ADAMTSL1: variants seen among roughly 807,000 people sequenced by gnomAD.
ADAMTSL1 encodes ADAMTS-like protein 1.
ADAMTSL1 carries 126 observed loss-of-function variants against 201.8 expected under a neutral mutation model. That is an observed-to-expected ratio of 0.62 (90% confidence interval 0.54 to 0.72). ADAMTSL1 has a LOEUF of 0.72. Among genes scored for constraint, ADAMTSL1 ranks in the 30% least tolerant of loss-of-function variants. The pLI is 0.00. For synonymous variants in ADAMTSL1, 1,121 were observed against 903.4 expected (o/e 1.24, Z -4.32); for missense variants, 2,679 against 2,277.8 (o/e 1.18, Z -3.59).
At chr9:18,406,592 A>G (rs1408615830) in intron 2 of ADAMTSL1, among the ~76,000 whole-genome samples, 1 of 152,084 alleles carries the variant, frequency 6.6e-6, no homozygotes, top group Non-Finnish European at 1.5e-5. Flanking sequence ...TGAACTCTCA[A>G]AATTCTAGGA....
At chr9:17,929,803 A>C (rs1050492310) in intron 1 of ADAMTSL1, among the ~76,000 whole-genome samples, 1 of 152,080 alleles carries the variant, frequency 6.6e-6, no homozygotes, top group Admixed American at 6.6e-5. Flanking sequence ...TATTTCTCAC[A>C]ATGCCCATTT....
At chr9:18,492,490 C>T (rs1000099570) in intron 1 of ADAMTSL1, among the ~76,000 whole-genome samples, 6 of 152,096 alleles carry the variant, frequency 3.9e-5, no homozygotes, top group African/African-American at 1.4e-4. Flanking sequence ...GAAAGAAAGT[C>T]CCAGCAGAGA....
intron 2 of ADAMTSL1, among the ~76,000 whole-genome samples, chr9:18,203,098 A>G (rs973133066): frequency 2.6e-5 from 4 of 152,066 alleles, no homozygotes; most frequent in African/African-American, 9.7e-5. Flanking sequence ...TCAGACTTTG[A>G]TCCCAAAGCT....
chr9:18,770,915 T>C, intron 17 of ADAMTSL1, 134 bp downstream of exon 17: 3 of 990,378 alleles, frequency 3.0e-6, no homozygotes, highest in Non-Finnish European at 4.3e-6. Flanking sequence ...TTTGTAACCA[T>C]ATATACCGTA....
intron 2 of ADAMTSL1, among the ~76,000 whole-genome samples, chr9:18,513,368 G>C (rs1818155942): frequency 6.6e-6 from 1 of 152,100 alleles, no homozygotes; most frequent in African/African-American, 2.4e-5. Context: ...TACTTGATTA[G>C]TCTAGATACC....
chr9:18,229,292 G>A (rs1364941913), intron 2 of ADAMTSL1, among the ~76,000 whole-genome samples: 1 of 152,126 alleles, frequency 6.6e-6, no homozygotes, highest in Non-Finnish European at 1.5e-5. Flanking sequence ...ATCCAACTGT[G>A]TGAAGTAGTG....
At position 18,052,487 on chromosome 9, in the gene ADAMTSL1, G is replaced by A. The variant is rs556084587; in HGVS notation, c.88-111375G>A. 1.0e-3 allele frequency among the ~76,000 whole-genome samples: 156 copies of A among 152,246 alleles called. 2 individuals carry two copies. In the South Asian group the frequency reaches 0.02, roughly 19 times the overall value. ...ACCAGTGTGTGTGAAGCCGCTGAGA[G>A]TGGACGAATTTGCTGCTATTAAGAG... On this transcript the variant is annotated intron_variant, in intron 1 of 29. Transcript: ENST00000680146.
chr9:18,302,210 C>CT (rs1333507365), intron 2 of ADAMTSL1, among the ~76,000 whole-genome samples: 1 of 152,098 alleles, frequency 6.6e-6, no homozygotes, highest in Non-Finnish European at 1.5e-5. Context: ...GAAGAGGGAA[C>CT]TCCCCCTGCT....
intron 2 of ADAMTSL1, among the ~76,000 whole-genome samples, chr9:18,456,133 T>A (rs966467721): frequency 6.6e-6 from 1 of 152,190 alleles, no homozygotes; most frequent in African/African-American, 2.4e-5. Context: ...CTATACCTTT[T>A]CTCAGAGACC....
chr9:18,083,655 C>A lies in ADAMTSL1; in HGVS notation c.88-80207C>A, dbSNP rs76323799. On this transcript the variant is annotated intron_variant, in intron 1 of 29. Transcript: ENST00000680146. Reference sequence around the variant, plus strand: ...AATTCCAATTCTAAACACAGTGCAACTGGGGCTCTTTATGAGGAACAATTT... The same window carrying A: ...AATTCCAATTCTAAACACAGTGCAAATGGGGCTCTTTATGAGGAACAATTT... 2.1e-3 allele frequency among the ~76,000 whole-genome samples: 326 copies of A among 152,302 alleles called. 3 individuals are homozygous for A. The highest frequency in any genetic ancestry group is 7.4e-3 in the African/African-American group (306 of 41,576).
At chr9:18,190,535 T>C (rs987983806) in intron 2 of ADAMTSL1, among the ~76,000 whole-genome samples, 2 of 152,188 alleles carry the variant, frequency 1.3e-5, no homozygotes, top group Admixed American at 6.5e-5. Context: ...CAGGCTTTTA[T>C]TGATTGTTCC....
At chr9:18,092,136 A>C (rs1207916180) in intron 1 of ADAMTSL1, among the ~76,000 whole-genome samples, 8 of 152,140 alleles carry the variant, frequency 5.3e-5, no homozygotes, top group Non-Finnish European at 1.0e-4. Context: ...CATCGTCTAT[A>C]CTTGGGGCTC....
At chr9:18,032,012 A>C (rs999297265) in intron 1 of ADAMTSL1, among the ~76,000 whole-genome samples, 1 of 152,180 alleles carries the variant, frequency 6.6e-6, no homozygotes, top group South Asian at 2.1e-4. Flanking sequence ...CATGCTTTTC[A>C]GACTGGGTCT....
intron 2 of ADAMTSL1, among the ~76,000 whole-genome samples, chr9:18,194,523 A>G (rs1373161233): frequency 6.6e-6 from 1 of 152,064 alleles, no homozygotes; most frequent in Non-Finnish European, 1.5e-5. Context: ...TTCCAGCTTG[A>G]TGAAGTCATA....
intron 26 of ADAMTSL1, among the ~76,000 whole-genome samples, chr9:18,903,712 GTGAT>G (rs56705273): frequency 0.57 from 86,085 of 151,634 alleles, 24,744 homozygotes; most frequent in African/African-American, 0.63. Context: ...GTATCCACAG[GTGAT>G]TGATTGGTGT....
intron 9 of ADAMTSL1, among the ~76,000 whole-genome samples, chr9:18,671,631 A>G (rs543567930): frequency 2.0e-5 from 3 of 152,354 alleles, no homozygotes; most frequent in Admixed American, 6.5e-5. Flanking sequence ...GAGCACATCT[A>G]GTTATCAGGA....
At chr9:18,247,603 T>TAGTG (rs1831312519) in intron 2 of ADAMTSL1, among the ~76,000 whole-genome samples, 1 of 152,176 alleles carries the variant, frequency 6.6e-6, no homozygotes, top group Non-Finnish European at 1.5e-5. Context: ...TATTTTATTT[T>TAGTG]ATTGATTGAT....
intron 26 of ADAMTSL1, chr9:18,905,458 T>C (rs1830250770): frequency 6.4e-6 from 2 of 310,536 alleles, no homozygotes; most frequent in Admixed American, 4.2e-5. Flanking sequence ...AGTTCTAAAG[T>C]CTACTGCCAC....
intron 3 of ADAMTSL1, among the ~76,000 whole-genome samples, chr9:18,539,311 A>G (rs1010935726): frequency 2.0e-5 from 3 of 152,170 alleles, no homozygotes; most frequent in African/African-American, 7.2e-5. Context: ...AGGCTAGGAG[A>G]AAAGACAAAT....
Sources: allele counts gnomAD v4.1 joint callset (sites outside exome capture counted in the v4.1 genomes callset), GRCh38; gene constraint gnomAD v4.1.1; transcripts MANE v1.5; gene names NCBI Gene and HGNC (gene_info 2026-07-23, HGNC 2026-07-21).